The following MEOX2 variants were observed in gnomAD, a reference collection of about 807,000 sequenced individuals.
The protein encoded by MEOX2 is mesenchyme homeobox 2, also known as homeobox protein MOX-2.
Under a neutral mutation model 27.0 loss-of-function variants are expected in MEOX2, and 11 were observed. The observed-to-expected ratio is 0.41, with a 90% confidence interval of 0.26 to 0.68. The LOEUF is 0.68. Ranked by LOEUF, MEOX2 falls within the 30% of genes least tolerant of loss-of-function variation. The pLI is 0.33. For synonymous variants in MEOX2, 189 were observed against 155.4 expected (o/e 1.22, Z -1.61); for missense variants, 436 against 385.4 (o/e 1.13, Z -1.10).
chr7:15,651,039 C>A (rs971168427), intron 1 of MEOX2, among the ~76,000 whole-genome samples: 8 of 151,972 alleles, frequency 5.3e-5, no homozygotes, highest in Non-Finnish European at 1.2e-4. Flanking sequence ...GTGCTGGAAA[C>A]AAGGACGTGG....
At chr7:15,618,475 T>A (rs1371442380) in intron 2 of MEOX2, among the ~76,000 whole-genome samples, 1 of 152,002 alleles carries the variant, frequency 6.6e-6, no homozygotes, top group Non-Finnish European at 1.5e-5. Context: ...AGAATGATGG[T>A]CTTTGATCTC....
intron 1 of MEOX2, among the ~76,000 whole-genome samples, chr7:15,651,373 T>C (rs1781730464): frequency 6.6e-6 from 1 of 151,996 alleles, no homozygotes; most frequent in African/African-American, 2.4e-5. Context: ...TTCTTAATGG[T>C]CTAAAAATTG....
chr7:15,670,882 C>T (rs1394483228), intron 1 of MEOX2, among the ~76,000 whole-genome samples: 2 of 152,178 alleles, frequency 1.3e-5, no homozygotes, highest in Admixed American at 6.5e-5. Flanking sequence ...CTATTCTAAA[C>T]TGGTAATTCT....
chr7:15,662,888 T>C (rs2115384950), intron 1 of MEOX2, among the ~76,000 whole-genome samples: 1 of 152,268 alleles, frequency 6.6e-6, no homozygotes, highest in African/African-American at 2.4e-5. Context: ...GATTAGAAAA[T>C]AATCTAACAG....
intron 1 of MEOX2, among the ~76,000 whole-genome samples, chr7:15,635,050 T>C (rs1466669808): frequency 6.6e-6 from 1 of 152,020 alleles, no homozygotes; most frequent in Non-Finnish European, 1.5e-5. Context: ...TACATCCATA[T>C]CATTTAATTA....
At chr7:15,681,227 C>G (rs114634248) in intron 1 of MEOX2, 1 of 151,686 alleles carries the variant, frequency 6.6e-6, no homozygotes, top group East Asian at 1.9e-4. Context: ...AAATAAATTC[C>G]TGAGGTGAAT....
intron 1 of MEOX2, among the ~76,000 whole-genome samples, chr7:15,647,283 G>C (rs10486770): frequency 0.094 from 14,335 of 152,010 alleles, 781 homozygotes; most frequent in Middle Eastern, 0.21. Flanking sequence ...CATCACAATT[G>C]CTTATTTTTA....
At chr7:15,679,830 CA>C (rs1453627278) in intron 1 of MEOX2, 2 of 151,428 alleles carry the variant, frequency 1.3e-5, no homozygotes, top group African/African-American at 4.8e-5. Flanking sequence ...AAACCCTTTC[CA>C]AAAATGTATA....
At chr7:15,647,630 C>T (rs1314382104) in intron 1 of MEOX2, among the ~76,000 whole-genome samples, 2 of 152,064 alleles carry the variant, frequency 1.3e-5, no homozygotes, top group Non-Finnish European at 2.9e-5. Flanking sequence ...CTGCTGTGAA[C>T]AGTCGCTGTA....
intron 2 of MEOX2, among the ~76,000 whole-genome samples, chr7:15,613,227 T>C (rs1189352160): frequency 6.6e-6 from 1 of 152,200 alleles, no homozygotes; most frequent in East Asian, 1.9e-4. Flanking sequence ...CTTTAAAATA[T>C]GGTCACAATA....
At chr7:15,652,533 T>C (rs1781748269) in intron 1 of MEOX2, among the ~76,000 whole-genome samples, 1 of 152,022 alleles carries the variant, frequency 6.6e-6, no homozygotes, top group Non-Finnish European at 1.5e-5. Context: ...CCATTATAAA[T>C]AGTAAACATA....
At chr7:15,657,713 G>C (rs1156438523) in intron 1 of MEOX2, among the ~76,000 whole-genome samples, 1 of 152,140 alleles carries the variant, frequency 6.6e-6, no homozygotes, top group Non-Finnish European at 1.5e-5. Flanking sequence ...TCAATTTTAA[G>C]ATGCAATGAT....
chr7:15,678,296 C>T (rs1164421238), intron 1 of MEOX2, among the ~76,000 whole-genome samples: 1 of 152,180 alleles, frequency 6.6e-6, no homozygotes, highest in African/African-American at 2.4e-5. Flanking sequence ...TAAGACATCA[C>T]TTGATTCCAA....
chr7:15,667,778 A>T (rs1385210791), intron 1 of MEOX2, among the ~76,000 whole-genome samples: 1 of 152,190 alleles, frequency 6.6e-6, no homozygotes, highest in East Asian at 1.9e-4. Context: ...TCATTAAGAG[A>T]TGTAAAAGGA....
chr7:15,644,850 A>G (rs1781617970), intron 1 of MEOX2, among the ~76,000 whole-genome samples: 1 of 152,128 alleles, frequency 6.6e-6, no homozygotes, highest in Admixed American at 6.5e-5. Context: ...CACCCACCAA[A>G]GGGGATTCCA....
At chr7:15,645,879 G>A (rs892939377) in intron 1 of MEOX2, among the ~76,000 whole-genome samples, 7 of 152,124 alleles carry the variant, frequency 4.6e-5, no homozygotes, top group Non-Finnish European at 1.0e-4. Flanking sequence ...GCATTTGTGT[G>A]TGCATATGTG....
chr7:15,667,289 C>CAAAAAAAAAAAAAAAAAAAAAAAA (rs532691969), intron 1 of MEOX2, among the ~76,000 whole-genome samples: 4 of 40,976 alleles, frequency 9.8e-5, no homozygotes, highest in East Asian at 1.2e-3. Flanking sequence ...GACTCTGTCT[C>CAAAAAAAAAAAAAAAAAAAAAAAA]AAAAAAAAAA....
chr7:15,614,200 T>C (rs1781084406), intron 2 of MEOX2, among the ~76,000 whole-genome samples: 1 of 130,646 alleles, frequency 7.7e-6, no homozygotes. Context: ...TACAAATAAA[T>C]AGATAAAATA....
intron 1 of MEOX2, among the ~76,000 whole-genome samples, chr7:15,639,609 G>C (rs1781530570): frequency 6.6e-6 from 1 of 151,882 alleles, no homozygotes; most frequent in Non-Finnish European, 1.5e-5. Context: ...CTTATGTTTA[G>C]ATCTTTGGTA....
Sources: allele counts gnomAD v4.1 joint callset (sites outside exome capture counted in the v4.1 genomes callset), GRCh38; gene constraint gnomAD v4.1.1; transcripts MANE v1.5; gene names NCBI Gene and HGNC (gene_info 2026-07-23, HGNC 2026-07-21).